The following RPTOR variants were observed in gnomAD, a reference collection of about 807,000 sequenced individuals.
RPTOR encodes regulatory associated protein of MTOR complex 1.
A neutral mutation model predicts 169.9 loss-of-function variants in RPTOR; 21 were observed. The observed-to-expected ratio is 0.12, with a 90% CI of 0.09 to 0.18. The LOEUF is 0.18. Among genes scored for constraint, RPTOR ranks in the 10% least tolerant of loss-of-function variants. The pLI is 1.00. For missense variants in RPTOR, 1,133 were observed against 1,855.9 expected, an observed-to-expected ratio of 0.61 and a Z score of 7.16; for synonymous variants, 732 against 753.2, an observed-to-expected ratio of 0.97 and a Z score of 0.46.
At chr17:80,785,776 T>A (rs1463477650) in intron 6 of RPTOR, among the ~76,000 whole-genome samples, 1 of 152,028 alleles carries the variant, frequency 6.6e-6, no homozygotes, top group African/African-American at 2.4e-5. Context: ...ATGATGGGGA[T>A]GTGTTTTGAG....
Position 80,947,278 on chromosome 17 carries a change from C to A in RPTOR, c.3192C>A (p.Asn1064Lys). The change falls in exon 27 of 34, where the codon AAC becomes AAA. Residue 1064 changes from asparagine (N) to lysine (K), a missense_variant. Asn to Lys is a moderately conservative substitution (Grantham distance 94, BLOSUM62 0). Coordinates refer to ENST00000306801, the MANE Select transcript of RPTOR (RefSeq NM_020761.3). The surrounding 1 kb of genome is among the most constrained non-coding windows in gnomAD (Gnocchi z 4.4). ...AGCTGGATTATTTCCACAATGGGAA[C>A]CCTCGGTACACGAGGGTCACTGCCA... ...GEKLDYFHNG[N>K]PRYTRVTAME... The A allele has an allele frequency of 6.2e-7, 1 of 1,605,726 alleles. No homozygotes were observed. The highest frequency in any genetic ancestry group is 8.5e-7 in the Non-Finnish European group (1 of 1,176,676).
chr17:80,825,807 G>C (rs1316035373), intron 9 of RPTOR, among the ~76,000 whole-genome samples: 1 of 152,208 alleles, frequency 6.6e-6, no homozygotes. Context: ...TAGTGATCCA[G>C]CCCGCATGGT....
intron 6 of RPTOR, among the ~76,000 whole-genome samples, chr17:80,770,154 C>G (rs1240700228): frequency 1.3e-5 from 2 of 152,226 alleles, no homozygotes; most frequent in African/African-American, 4.8e-5. Flanking sequence ...CCTGGGAGGA[C>G]TGCTGCATCC....
chr17:80,927,744 G>T lies in RPTOR; in HGVS notation c.2919+2264G>T, dbSNP rs565928107. ...TGTCTGTGTGTTTCTGTGTGTCTGTGTGTGTGTGTCTATTTGTTCCGGTGT... is the reference window on the plus strand; with the variant it reads ...TGTCTGTGTGTTTCTGTGTGTCTGTTTGTGTGTGTCTATTTGTTCCGGTGT... On this transcript the variant is annotated intron_variant, in intron 24 of 33. Coordinates refer to ENST00000306801, the MANE Select transcript of RPTOR (RefSeq NM_020761.3). Among the ~76,000 whole-genome samples, 3 of 151,340 alleles carry T rather than the reference G, an allele frequency of 2.0e-5. No individual in the cohort carries two copies. The South Asian group carries it at 6.3e-4, about 32-fold the overall frequency.
chr17:80,833,540 C>G (rs541822101), intron 9 of RPTOR, among the ~76,000 whole-genome samples: 1 of 152,344 alleles, frequency 6.6e-6, no homozygotes, highest in African/African-American at 2.4e-5. Flanking sequence ...ACCATGGCCT[C>G]TCGTGTGTAC....
chr17:80,895,483 G>A (rs777383417), intron 20 of RPTOR, among the ~76,000 whole-genome samples: 12 of 152,208 alleles, frequency 7.9e-5, no homozygotes, highest in African/African-American at 2.4e-4. Flanking sequence ...AGAGCCGCAC[G>A]TGCAGGAACC....
At chr17:80,607,816 A>G (rs567899098) in intron 1 of RPTOR, among the ~76,000 whole-genome samples, 1 of 152,140 alleles carries the variant, frequency 6.6e-6, no homozygotes, top group East Asian at 1.9e-4. Context: ...AATTTTTTAA[A>G]GTTAATTAAA....
At chr17:80,815,355 ACT>A (rs911849579) in intron 7 of RPTOR, among the ~76,000 whole-genome samples, 13 of 152,194 alleles carry the variant, frequency 8.5e-5, no homozygotes, top group African/African-American at 3.1e-4. Context: ...AGGTGGCCAG[ACT>A]CTGTAGCTCA....
intron 7 of RPTOR, among the ~76,000 whole-genome samples, chr17:80,797,316 T>C (rs1273734806): frequency 3.3e-5 from 5 of 152,162 alleles, no homozygotes; most frequent in Admixed American, 3.3e-4. Flanking sequence ...TTTTGGGTTG[T>C]TTGGTTTTTT....
intron 3 of RPTOR, among the ~76,000 whole-genome samples, chr17:80,682,467 C>T (rs1177922099): frequency 2.0e-5 from 3 of 152,216 alleles, no homozygotes; most frequent in Admixed American, 6.5e-5. Flanking sequence ...GATGTAATCA[C>T]GGGTGTCCTT....
At chr17:80,742,827 C>G (rs146202802) in intron 5 of RPTOR, among the ~76,000 whole-genome samples, 1 of 152,086 alleles carries the variant, frequency 6.6e-6, no homozygotes, top group East Asian at 1.9e-4. Context: ...TACATGCCCA[C>G]CTATACATAC....
rs113204557 is a variant in RPTOR, at chr17:80,655,336, T to C, written c.348+11526T>C. ...CCTGACCTCAAGTGATCTGCCTGCC[T>C]TGGCCTCCCAAAGTGCTGGGATTAT... On this transcript the variant is annotated intron_variant, in intron 3 of 33. Coordinates refer to ENST00000306801, the MANE Select transcript of RPTOR (RefSeq NM_020761.3). Among the ~76,000 whole-genome samples, 1,066 of 152,384 alleles carry C rather than the reference T, an allele frequency of 7.0e-3. 16 individuals carry two copies. The highest frequency in any genetic ancestry group is 0.024 in the African/African-American group (1,006 of 41,590).
At chr17:80,583,183 T>G (rs1418307029) in intron 1 of RPTOR, among the ~76,000 whole-genome samples, 1 of 50,660 alleles carries the variant, frequency 2.0e-5, no homozygotes, top group South Asian at 5.1e-4. Flanking sequence ...CTCTTTCCTG[T>G]TTTTTTTTTT....
At chr17:80,643,044 T>TA (rs1251291900) in intron 2 of RPTOR, among the ~76,000 whole-genome samples, 3 of 152,242 alleles carry the variant, frequency 2.0e-5, no homozygotes, top group African/African-American at 7.2e-5. Flanking sequence ...GAAAAATATT[T>TA]AAAAAATCTT....
chr17:80,564,621 T>C (rs1292268219), intron 1 of RPTOR, among the ~76,000 whole-genome samples: 6 of 126,936 alleles, frequency 4.7e-5, no homozygotes, highest in African/African-American at 1.1e-4. Flanking sequence ...TTTTTTTTTT[T>C]CCGGATGTGC....
At chr17:80,705,125 G>A (rs1028303749) in intron 3 of RPTOR, among the ~76,000 whole-genome samples, 9 of 152,262 alleles carry the variant, frequency 5.9e-5, no homozygotes, top group African/African-American at 2.2e-4. Flanking sequence ...TGGGCTCCCT[G>A]TGGGCCAGCC....
chr17:80,598,247 C>T (rs554641294), intron 1 of RPTOR, among the ~76,000 whole-genome samples: 1 of 152,212 alleles, frequency 6.6e-6, no homozygotes, highest in Non-Finnish European at 1.5e-5. Context: ...TATATGATGC[C>T]ATTTCAACAT....
intron 24 of RPTOR, among the ~76,000 whole-genome samples, chr17:80,933,266 A>G (rs58198591): frequency 4.6e-5 from 7 of 152,368 alleles, no homozygotes; most frequent in African/African-American, 1.7e-4. Flanking sequence ...TCAGAACTTA[A>G]AAACCAATGC....
chr17:80,815,935 C>T (rs983344508), intron 7 of RPTOR, among the ~76,000 whole-genome samples: 1 of 150,828 alleles, frequency 6.6e-6, no homozygotes, highest in Non-Finnish European at 1.5e-5. Context: ...CTGGACAGTC[C>T]ATCACGTGCA....
Sources: gnomAD v4.1 joint callset for allele counts (sites outside exome capture counted in the v4.1 genomes callset) on GRCh38, gnomAD v4.1.1 for gene constraint, Gnocchi (gnomAD v3.1) non-coding constraint, MANE v1.5 for transcripts, NCBI Gene and HGNC (gene_info 2026-07-23, HGNC 2026-07-21) for gene names.